PTPN13: variants seen among roughly 807,000 people sequenced by gnomAD.
The protein encoded by PTPN13 is protein tyrosine phosphatase non-receptor type 13, also known as tyrosine-protein phosphatase non-receptor type 13.
Under a neutral mutation model 284.0 loss-of-function variants are expected in PTPN13, and 191 were observed. That is an observed-to-expected ratio of 0.67 (90% CI 0.60 to 0.76). The LOEUF is 0.76. Among genes scored for constraint, PTPN13 ranks in the 30% least tolerant of loss-of-function variants. The pLI, the probability that PTPN13 is intolerant of heterozygous loss-of-function variation, is 0.00. For synonymous variants in PTPN13, 986 were observed against 1,022.3 expected (o/e 0.96, Z 0.68); for missense variants, 2,797 against 2,939.9 (o/e 0.95, Z 1.12).
At chr4:86,658,037 T>C (rs886948545) in intron 2 of PTPN13, among the ~76,000 whole-genome samples, 1 of 152,204 alleles carries the variant, frequency 6.6e-6, no homozygotes, top group Non-Finnish European at 1.5e-5. Flanking sequence ...GCAGTCCTTG[T>C]GGCCTGACTG....
At chr4:86,632,865 G>A (rs1214229333) in intron 1 of PTPN13, among the ~76,000 whole-genome samples, 1 of 152,062 alleles carries the variant, frequency 6.6e-6, no homozygotes, top group African/African-American at 2.4e-5. Context: ...CTGGAGTACA[G>A]AAGCATGATC....
intron 16 of PTPN13, among the ~76,000 whole-genome samples, chr4:86,743,337 T>C (rs1003074841): frequency 5.3e-5 from 8 of 152,202 alleles, no homozygotes; most frequent in Non-Finnish European, 1.0e-4. Context: ...AGGTAGTGGT[T>C]CTGTAGTTCT....
At chr4:86,610,656 T>G (rs1449350932) in intron 1 of PTPN13, among the ~76,000 whole-genome samples, 3 of 152,222 alleles carry the variant, frequency 2.0e-5, no homozygotes, top group African/African-American at 7.2e-5. Context: ...CTCCCTAATT[T>G]GTGAAGTCTT....
chr4:86,813,993 C>G (rs1205045426), intron 47 of PTPN13, among the ~76,000 whole-genome samples: 1 of 148,782 alleles, frequency 6.7e-6, no homozygotes, highest in Non-Finnish European at 1.5e-5. Flanking sequence ...AATTCTATAC[C>G]CTGCTTCTTT....
chr4:86,722,504 T>A, intron 10 of PTPN13, 70 bp downstream of exon 10: 2 of 1,300,740 alleles, frequency 1.5e-6, no homozygotes, highest in South Asian at 1.2e-5. Flanking sequence ...AAAGTACTTT[T>A]AAAAATTGCT....
At chr4:86,754,910 G>C (rs918074687) in intron 20 of PTPN13, among the ~76,000 whole-genome samples, 1 of 151,998 alleles carries the variant, frequency 6.6e-6, no homozygotes, top group African/African-American at 2.4e-5. Context: ...TGCAAACAAG[G>C]CTATATTTTC....
chr4:86,763,725 T>C (rs900571058), intron 24 of PTPN13, among the ~76,000 whole-genome samples: 2 of 152,056 alleles, frequency 1.3e-5, no homozygotes, highest in Non-Finnish European at 2.9e-5. Context: ...CTGGGCAACA[T>C]AGGGAGACCC....
chr4:86,800,608 C>T (rs10024496), intron 42 of PTPN13, among the ~76,000 whole-genome samples: 14,890 of 150,748 alleles, frequency 0.099, 848 homozygotes, highest in Non-Finnish European at 0.11. Flanking sequence ...GCCGAGATTG[C>T]GTCACTGCAC....
chr4:86,643,894 A>C (rs1038817771), intron 2 of PTPN13, among the ~76,000 whole-genome samples: 2 of 152,188 alleles, frequency 1.3e-5, no homozygotes, highest in Non-Finnish European at 2.9e-5. Flanking sequence ...CATAACAATG[A>C]AGTTTAAAAA....
intron 4 of PTPN13, among the ~76,000 whole-genome samples, chr4:86,688,648 A>G (rs1487265097): frequency 6.6e-6 from 1 of 152,092 alleles, no homozygotes; most frequent in Non-Finnish European, 1.5e-5. Context: ...AATATTAGGA[A>G]ACAGTTTATT....
intron 7 of PTPN13, among the ~76,000 whole-genome samples, chr4:86,715,082 T>G (rs1187996593): frequency 2.0e-5 from 3 of 152,182 alleles, no homozygotes; most frequent in Non-Finnish European, 4.4e-5. Context: ...GAAAGGAAGC[T>G]AAAAGTTAAT....
chr4:86,811,360 T>G lies in PTPN13; in HGVS notation c.7362+252T>G, dbSNP rs572420418. On this transcript the variant is annotated intron_variant, in intron 47 of 47. Transcript: ENST00000411767. ...TCTGCACTGAAGAGATTACAGAGAA[T>G]GGGATAGCATGCTGGGGACAGAGTT... Among the ~76,000 whole-genome samples, 6 of 152,266 alleles carry G rather than the reference T, an allele frequency of 3.9e-5. No homozygotes were observed. The South Asian group carries it at 1.0e-3, about 26-fold the overall frequency.
chr4:86,646,906 A>C (rs1565223783), intron 2 of PTPN13, among the ~76,000 whole-genome samples: 1 of 152,234 alleles, frequency 6.6e-6, no homozygotes, highest in Non-Finnish European at 1.5e-5. Flanking sequence ...CTATTGATAC[A>C]TGCAACAACA....
chr4:86,599,119 C>T (rs1043902517), intron 1 of PTPN13, among the ~76,000 whole-genome samples: 1 of 152,090 alleles, frequency 6.6e-6, no homozygotes, highest in African/African-American at 2.4e-5. Flanking sequence ...AAACCAGAAT[C>T]ATTGTGGATG....
chr4:86,715,364 T>G (rs1246034059), intron 7 of PTPN13, among the ~76,000 whole-genome samples: 2 of 152,196 alleles, frequency 1.3e-5, no homozygotes, highest in Admixed American at 6.6e-5. Context: ...TATGTGTACA[T>G]ATATATACTT....
chr4:86,768,034 T>C (rs1739535283), intron 28 of PTPN13, 58 bp downstream of exon 28: 7 of 1,516,066 alleles, frequency 4.6e-6, no homozygotes, highest in Middle Eastern at 3.5e-4. Context: ...TATTCAAAAT[T>C]TGATTTTTAC....
chr4:86,611,925 G>T (rs1273104183), intron 1 of PTPN13, among the ~76,000 whole-genome samples: 1 of 152,176 alleles, frequency 6.6e-6, no homozygotes, highest in African/African-American at 2.4e-5. Context: ...AGGATTCAAA[G>T]AAACCGTACT....
At chr4:86,733,452 T>C (rs1735162167) in intron 12 of PTPN13, among the ~76,000 whole-genome samples, 1 of 152,128 alleles carries the variant, frequency 6.6e-6, no homozygotes, top group African/African-American at 2.4e-5. Flanking sequence ...CAAAGTACTA[T>C]AAATGACAAT....
At chr4:86,766,009 G>T (rs1331304151) in intron 26 of PTPN13, among the ~76,000 whole-genome samples, 1 of 152,042 alleles carries the variant, frequency 6.6e-6, no homozygotes, top group Non-Finnish European at 1.5e-5. Flanking sequence ...TGTATTTTTA[G>T]TAGAGACAGG....
Sources: gnomAD v4.1 joint callset for allele counts (sites outside exome capture counted in the v4.1 genomes callset) on GRCh38, gnomAD v4.1.1 for gene constraint, MANE v1.5 for transcripts, NCBI Gene and HGNC (gene_info 2026-07-23, HGNC 2026-07-21) for gene names.